The following NME9 variants were observed in gnomAD, a reference collection of about 807,000 sequenced individuals.
The protein encoded by NME9 is thioredoxin domain-containing protein 6.
NME9 carries 48 observed loss-of-function variants against 44.4 expected under a neutral mutation model. The observed-to-expected ratio is 1.08, with a 90% CI of 0.86 to 1.37. The LOEUF is 1.37. Ranked by LOEUF, NME9 falls within the 40% of genes most tolerant of loss-of-function variation. The pLI, the probability that NME9 is intolerant of heterozygous loss-of-function variation, is 0.00. For synonymous variants in NME9, 139 were observed against 147.1 expected (o/e 0.94, Z 0.40); for missense variants, 325 against 405.2 (o/e 0.80, Z 1.70).
intron 8 of NME9, among the ~76,000 whole-genome samples, chr3:138,281,217 G>T (rs578071007): frequency 1.4e-3 from 211 of 149,834 alleles, no homozygotes; most frequent in Non-Finnish European, 1.8e-3. Context: ...TAATGGTGTG[G>T]GTGTGTGTGT....
intron 8 of NME9, chr3:138,287,486 T>C: frequency 2.8e-6 from 1 of 361,188 alleles, no homozygotes; most frequent in Non-Finnish European, 5.6e-6. Flanking sequence ...TAGTAATTTG[T>C]GTCCTTAAAA....
chr3:138,309,910 C>G (rs2052571750), intron 6 of NME9, among the ~76,000 whole-genome samples: 1 of 151,842 alleles, frequency 6.6e-6, no homozygotes, highest in Non-Finnish European at 1.5e-5. Context: ...GCCTGTAATC[C>G]CAGCTAATTG....
At chr3:138,304,763 CAGAG>C (rs376484446) in intron 9 of NME9, 106 bp downstream of exon 9, 16 of 1,057,928 alleles carry the variant, frequency 1.5e-5, no homozygotes, top group African/African-American at 1.4e-4. Flanking sequence ...GCCTGGCCAT[CAGAG>C]AGTCCTCTGT....
chr3:138,327,421 G>A (rs1417453951), intron 1 of NME9, among the ~76,000 whole-genome samples: 1 of 152,120 alleles, frequency 6.6e-6, no homozygotes, highest in Non-Finnish European at 1.5e-5. Context: ...CTGTCATGGA[G>A]TGAGTCCCAC....
intron 6 of NME9, among the ~76,000 whole-genome samples, chr3:138,310,010 C>A (rs1272738790): frequency 1.3e-5 from 2 of 149,052 alleles, no homozygotes; most frequent in African/African-American, 2.5e-5. Flanking sequence ...AGTGAAACTC[C>A]ATCTCAAAAA....
At chr3:138,274,295 T>C (rs1282985523) in intron 8 of NME9, among the ~76,000 whole-genome samples, 3 of 152,186 alleles carry the variant, frequency 2.0e-5, no homozygotes, top group South Asian at 2.1e-4. Flanking sequence ...AGCTTCAAAA[T>C]ATAATAAACA....
chr3:138,300,002 G>A (rs575625489), downstream of NME9, among the ~76,000 whole-genome samples: 6 of 152,254 alleles, frequency 3.9e-5, no homozygotes, highest in South Asian at 6.2e-4. Context: ...TTTGCCACTC[G>A]TGAAGTGGGC....
intron 8 of NME9, among the ~76,000 whole-genome samples, chr3:138,269,033 A>C (rs1449956624): frequency 6.6e-6 from 1 of 152,206 alleles, no homozygotes; most frequent in Non-Finnish European, 1.5e-5. Context: ...TCCTACTTTC[A>C]CATGGTTCAG....
At position 138,274,406 on chromosome 3, in the gene NME9, T is replaced by G. The variant is rs751183128; in HGVS notation, c.746-11820A>C. 2.3e-6 allele frequency: 3 copies of G among 1,317,272 alleles called. No individual in the cohort carries two copies. In the South Asian group the frequency reaches 3.6e-5, roughly 16 times the overall value. 81.6% of individuals were successfully genotyped at this position (1,317,272 alleles called of 1,614,324 possible). On this transcript the variant is annotated intron_variant, in intron 8 of 8. Coordinates refer to the NME9 transcript ENST00000317876. ...TAGAAGCCTTGTATTCGTCCTGTGG[T>G]CTTTGTTTCTTTGATAATTATGGAT...
chr3:138,267,994 G>A (rs975762084), intron 8 of NME9, among the ~76,000 whole-genome samples: 1 of 152,124 alleles, frequency 6.6e-6, no homozygotes, highest in Admixed American at 6.5e-5. Context: ...TGTAAACCCA[G>A]CAGTTTGGGA....
At chr3:138,286,742 C>G (rs2050460693) in intron 8 of NME9, among the ~76,000 whole-genome samples, 1 of 152,132 alleles carries the variant, frequency 6.6e-6, no homozygotes, top group African/African-American at 2.4e-5. Flanking sequence ...AGAACCATTG[C>G]CTTAGGAGAA....
chr3:138,274,554 TC>T, intron 8 of NME9: 1 of 1,589,260 alleles, frequency 6.3e-7, no homozygotes, highest in Non-Finnish European at 8.6e-7. Flanking sequence ...GGTACGTTGT[TC>T]CTTTCTCTTG....
At chr3:138,264,089 G>A (rs2048018809) in intron 8 of NME9, 1 of 1,565,010 alleles carries the variant, frequency 6.4e-7, no homozygotes, top group Non-Finnish European at 8.8e-7. Context: ...AAAAGTAAAA[G>A]TTTTGATTTC....
chr3:138,283,384 G>T (rs890464086), intron 8 of NME9, among the ~76,000 whole-genome samples: 2 of 152,198 alleles, frequency 1.3e-5, no homozygotes, highest in African/African-American at 4.8e-5. Context: ...TCCTGACTGG[G>T]TTCCAGGACT....
chr3:138,308,479 A>G (rs941979445), intron 6 of NME9, among the ~76,000 whole-genome samples: 54 of 152,150 alleles, frequency 3.5e-4, no homozygotes, highest in Non-Finnish European at 1.2e-4. Context: ...AAGTACTGTG[A>G]TACCCAGGAG....
chr3:138,295,715 A>C, intron 8 of NME9: 1 of 720,866 alleles, frequency 1.4e-6, no homozygotes, highest in Non-Finnish European at 2.3e-6. Context: ...CTTCCCCTTA[A>C]GGTAGGTGCC....
chr3:138,303,507 C>G lies in NME9; in HGVS notation c.928G>C (p.Gly310Arg). 1 of 1,612,428 alleles carries G rather than the reference C, an allele frequency of 6.2e-7. No individual in the cohort carries two copies. The highest frequency in any genetic ancestry group is 8.5e-7 in the Non-Finnish European group (1 of 1,178,546). ...GACCAAGTCTGCCTTGATGACTTACCCTGAGGGGCTTCTGTATCTTTGTCT... is the reference window on the plus strand; with the variant it reads ...GACCAAGTCTGCCTTGATGACTTACGCTGAGGGGCTTCTGTATCTTTGTCT... ...FSDKDTEAPQ[G>R]GEAEATAGPT... The change falls in exon 10 of 11, where the codon GGC becomes CGC. Residue 310 changes from glycine to arginine, a missense_variant and splice_region_variant. Physicochemically the swap from Gly to Arg is moderately radical, Grantham distance 125. Coordinates refer to ENST00000333911, the MANE Select transcript of NME9 (RefSeq NM_001349018.2).
chr3:138,274,136 T>C (rs1282280364), intron 8 of NME9, among the ~76,000 whole-genome samples: 3 of 152,018 alleles, frequency 2.0e-5, no homozygotes, highest in African/African-American at 7.2e-5. Context: ...CCTTTTTCTT[T>C]AATATATTTG....
intron 9 of NME9, 45 bp downstream of exon 9, chr3:138,304,828 T>C: frequency 6.3e-7 from 1 of 1,590,030 alleles, no homozygotes; most frequent in Admixed American, 1.7e-5. Context: ...CCTCCTGGGA[T>C]GCAGGTTTTA....
Sources: gnomAD v4.1 joint callset for allele counts (sites outside exome capture counted in the v4.1 genomes callset) on GRCh38, gnomAD v4.1.1 for gene constraint, MANE v1.5 for transcripts, NCBI Gene and HGNC (gene_info 2026-07-23, HGNC 2026-07-21) for gene names.